COL27A1: variants seen among roughly 807,000 people sequenced by gnomAD.
The protein encoded by COL27A1 is collagen type XXVII alpha 1 chain, also known as collagen alpha-1(XXVII) chain.
A neutral mutation model predicts 251.3 loss-of-function variants in COL27A1; 106 were observed. The ratio of observed to expected loss-of-function variants is 0.42; its 90% confidence interval spans 0.36 to 0.50. COL27A1 has a LOEUF of 0.50. Ranked by LOEUF, COL27A1 falls within the 20% of genes least tolerant of loss-of-function variation. The pLI is 0.00. For synonymous variants in COL27A1, 1,000 were observed against 986.3 expected, an observed-to-expected ratio of 1.01 and a Z score of -0.26; for missense variants, 2,325 against 2,522.8, an observed-to-expected ratio of 0.92 and a Z score of 1.68.
rs545003671 is a variant in COL27A1, at chr9:114,222,073, C to T, written c.2422-150C>T. 1.7e-4 allele frequency: 107 copies of T among 641,650 alleles called. 1 individual carries two copies. The highest frequency in any genetic ancestry group is 1.7e-3 in the African/African-American group (93 of 56,338). 39.7% of individuals were successfully genotyped at this position (641,650 alleles called of 1,614,324 possible). A position where few individuals can be genotyped will look rare whatever the true frequency, so the allele number is the denominator to read the frequency against. On this transcript the variant is annotated intron_variant, in intron 13 of 60. Transcript: ENST00000356083. ...GCTGTGGTCCAAACTCCAGGCCAGG[C>T]TCAGGAAAGTCGCTGGAGCCTGTGG...
At chr9:114,253,065 G>C in intron 27 of COL27A1, 133 bp downstream of exon 27, 1 of 740,898 alleles carries the variant, frequency 1.3e-6, no homozygotes, top group Admixed American at 2.5e-5. Context: ...TTCAAGACCA[G>C]CCTGACAAAC....
intron 57 of COL27A1, among the ~76,000 whole-genome samples, chr9:114,305,406 A>G (rs2131681454): frequency 6.6e-6 from 1 of 152,270 alleles, no homozygotes; most frequent in East Asian, 1.9e-4. Flanking sequence ...GGAGAAGGGA[A>G]GCGTTTCCTT....
chr9:114,220,455 C>A (rs1831015054), intron 13 of COL27A1, among the ~76,000 whole-genome samples: 1 of 152,236 alleles, frequency 6.6e-6, no homozygotes, highest in South Asian at 2.1e-4. Context: ...GCTGTGCCAG[C>A]TGTGCCCTCT....
chr9:114,235,246 G>A (rs371878211), intron 16 of COL27A1, among the ~76,000 whole-genome samples: 22 of 152,328 alleles, frequency 1.4e-4, no homozygotes, highest in East Asian at 9.7e-4. Context: ...ACCCCTGTGT[G>A]ACAACACCCG....
At chr9:114,276,874 C>A (rs1188061825) in intron 37 of COL27A1, among the ~76,000 whole-genome samples, 3 of 152,254 alleles carry the variant, frequency 2.0e-5, no homozygotes, top group African/African-American at 7.2e-5. Context: ...CATGTACAGA[C>A]AAGTTGCCCA....
chr9:114,300,818 TC>T, intron 51 of COL27A1, 131 bp downstream of exon 51: 1 of 818,318 alleles, frequency 1.2e-6, no homozygotes. Context: ...CAGGCCTGGT[TC>T]CCACCTTCAC....
At position 114,211,044 on chromosome 9, in the gene COL27A1, C is replaced by A; in HGVS notation, c.2367+18C>A. The stretch of plus-strand genomic sequence containing the variant: ...GTATGCCGGTAAAGATTTTCCGTGT[C>A]TATTACGCAGACTCTAGCGGGGAAC... On this transcript the variant is annotated intron_variant, in intron 12 of 60. Transcript: ENST00000356083. The A allele has an allele frequency of 1.2e-6, 2 of 1,613,938 alleles. No individual in the cohort carries two copies. The highest frequency in any genetic ancestry group is 2.2e-5 in the South Asian group (2 of 91,078).
intron 57 of COL27A1, chr9:114,306,267 C>T (rs1829038359): frequency 4.7e-6 from 2 of 426,336 alleles, no homozygotes; most frequent in Admixed American, 3.9e-5. Flanking sequence ...CTCTGCCTGT[C>T]CCATATCAGA....
intron 36 of COL27A1, chr9:114,271,777 C>G (rs889752268): frequency 6.6e-6 from 1 of 152,292 alleles, no homozygotes; most frequent in Non-Finnish European, 1.5e-5. Context: ...CATGCCCTCT[C>G]GCCCACCTAC....
At chr9:114,221,822 G>C (rs1831130288) in intron 13 of COL27A1, among the ~76,000 whole-genome samples, 1 of 152,218 alleles carries the variant, frequency 6.6e-6, no homozygotes, top group African/African-American at 2.4e-5. Context: ...GAGCCCTCAT[G>C]GCTTTGTCAT....
chr9:114,307,301 G>A lies in COL27A1; in HGVS notation c.5108-368G>A, dbSNP rs1163115357. ...GGAGACCTGACTCCTACCCTCCCCC[G>A]GCAGGCCCTAGGAGGAGCCCTAGGC... On this transcript the variant is annotated intron_variant, in intron 58 of 60. Coordinates refer to ENST00000356083, the MANE Select transcript of COL27A1 (RefSeq NM_032888.4). 5 of 189,826 alleles carry A rather than the reference G, an allele frequency of 2.6e-5. No individual in the cohort carries two copies. The South Asian group carries it at 3.4e-4, about 13-fold the overall frequency. The allele number at this position is 189,826 out of a possible 1,614,324, so 11.8% of individuals were successfully genotyped here. A position where few individuals can be genotyped will look rare whatever the true frequency, so the allele number is the denominator to read the frequency against.
Position 114,289,268 on chromosome 9 carries a change from G to T in COL27A1, c.4179G>T (p.Pro1393=). 6.3e-7 allele frequency: 1 copy of T among 1,593,852 alleles called. No homozygotes were observed. The highest frequency in any genetic ancestry group is 1.1e-5 in the South Asian group (1 of 87,488). Residue 1393 remains proline, a synonymous_variant, in exon 45 of 61, where the codon CCG becomes CCT. Coordinates refer to ENST00000356083, the MANE Select transcript of COL27A1 (RefSeq NM_032888.4). ...GGCATCCGGGACCCCGGGGGTGGCC[G>T]GGACCCAAAGGATCGAAAGGCGCAG... ...QPGHPGPRGW[P]GPKGSKGAEG... is the part of the protein sequence containing the mutation.
At chr9:114,267,268 G>A (rs1384118548) in intron 33 of COL27A1, among the ~76,000 whole-genome samples, 7 of 152,236 alleles carry the variant, frequency 4.6e-5, no homozygotes, top group East Asian at 1.9e-4. Context: ...CTTGTGGGGC[G>A]GGAGAAGGCT....
rs537660464 is a variant in COL27A1, at chr9:114,309,733, C to T, written c.5436+255C>T. Among the ~76,000 whole-genome samples the T allele has an allele frequency of 2.0e-5, 3 of 152,174 alleles. No individual in the cohort carries two copies. The East Asian group carries it at 5.8e-4, about 29-fold the overall frequency. ...TTTGGGCTAGTAGATGTTGTACTTA[C>T]TTGCAAGGCTCTTTCAAAGAAGATA... On this transcript the variant is annotated intron_variant, in intron 60 of 60. Coordinates refer to ENST00000356083, the MANE Select transcript of COL27A1 (RefSeq NM_032888.4).
At chr9:114,210,316 TCA>T (rs529510717) in intron 11 of COL27A1, among the ~76,000 whole-genome samples, 1 of 152,366 alleles carries the variant, frequency 6.6e-6, no homozygotes, top group South Asian at 2.1e-4. Context: ...CCAAAGATAT[TCA>T]CTATCTGCCC....
At position 114,289,295 on chromosome 9, in the gene COL27A1, G is replaced by C; in HGVS notation, c.4206G>C (p.Glu1402Asp). The change falls in exon 45 of 61, where the codon GAG becomes GAC. Residue 1402 changes from glutamate (E) to aspartate (D), a missense_variant and splice_region_variant. Physicochemically the swap from Glu to Asp is conservative, Grantham distance 45. Transcript: ENST00000356083. Reference sequence around the variant, plus strand: ...GACCCAAAGGATCGAAAGGCGCAGAGGTAAGAGGGCCGGGGGTTCAGCAGG... The same window carrying C: ...GACCCAAAGGATCGAAAGGCGCAGACGTAAGAGGGCCGGGGGTTCAGCAGG... ...WPGPKGSKGAEGPKGKQGKAG... is the reference protein window; with the variant it reads ...WPGPKGSKGADGPKGKQGKAG... 6.3e-7 allele frequency: 1 copy of C among 1,585,992 alleles called. No homozygotes were observed. Among genetic ancestry groups the C allele is most frequent in the Non-Finnish European group, 8.6e-7 (1 of 1,169,330 alleles).
chr9:114,290,974 C>T lies in COL27A1; in HGVS notation c.4476+57C>T. On this transcript the variant is annotated intron_variant, in intron 48 of 60. Coordinates refer to ENST00000356083, the MANE Select transcript of COL27A1 (RefSeq NM_032888.4). This position sits in a 1 kb window ranked among gnomAD's most constrained non-coding sequence, Gnocchi z 4.6. ...TCTGCCCTTTCTGCCTTGATGCAGA[C>T]TCTAGTGGTTCCGACCCTTTGGGCA... 1 of 1,335,418 alleles carries T rather than the reference C, an allele frequency of 7.5e-7. No individual in the cohort carries two copies. The highest frequency in any genetic ancestry group is 1.5e-5 in the African/African-American group (1 of 68,662). The allele number at this position is 1,335,418 out of a possible 1,614,324, so 82.7% of individuals were successfully genotyped here.
At chr9:114,156,092 C>T in intron 1 of COL27A1, 80 bp downstream of exon 1, 1 of 1,287,292 alleles carries the variant, frequency 7.8e-7, no homozygotes, top group African/African-American at 1.5e-5. Context: ...CCCCGCCATG[C>T]GGTCGCTTCC....
At chr9:114,271,687 C>T (rs1588840083) in intron 36 of COL27A1, 1 of 152,622 alleles carries the variant, frequency 6.6e-6, no homozygotes, top group Non-Finnish European at 1.5e-5. Flanking sequence ...GGGCCCCGCT[C>T]TGACCCCACA....
Sources: gnomAD v4.1 joint callset for allele counts (sites outside exome capture counted in the v4.1 genomes callset) on GRCh38, gnomAD v4.1.1 for gene constraint, Gnocchi (gnomAD v3.1) non-coding constraint, MANE v1.5 for transcripts, NCBI Gene and HGNC (gene_info 2026-07-23, HGNC 2026-07-21) for gene names.